The following ADGRV1 variants were observed in gnomAD, a reference collection of about 807,000 sequenced individuals.
ADGRV1 encodes G-protein coupled receptor 98.
ADGRV1 carries 359 observed loss-of-function variants against 596.2 expected under a neutral mutation model. That is an observed-to-expected ratio of 0.60 (90% confidence interval 0.55 to 0.66). ADGRV1 has a LOEUF of 0.66. Among genes scored for constraint, ADGRV1 ranks in the 30% least tolerant of loss-of-function variants. The pLI, the probability that ADGRV1 is intolerant of heterozygous loss-of-function variation, is 0.00. For missense variants in ADGRV1, 7,274 were observed against 7,575.6 expected, an observed-to-expected ratio of 0.96 and a Z score of 1.48; for synonymous variants, 2,681 against 2,679.2, an observed-to-expected ratio of 1.00 and a Z score of -0.02.
intron 3 of ADGRV1, among the ~76,000 whole-genome samples, 176 bp downstream of exon 3, chr5:90,618,129 C>T (rs1205618281): frequency 6.6e-6 from 1 of 152,150 alleles, no homozygotes; most frequent in Non-Finnish European, 1.5e-5. Context: ...TCTGGTTATT[C>T]CTTGATCTTG....
chr5:90,614,725 G>C (rs1366234296), intron 1 of ADGRV1, 110 bp from the exon 2 acceptor site: 1 of 821,858 alleles, frequency 1.2e-6, no homozygotes, highest in Non-Finnish European at 2.0e-6. Flanking sequence ...TTATGTCTTA[G>C]TTGTTTGCTG....
intron 78 of ADGRV1, among the ~76,000 whole-genome samples, chr5:90,847,658 C>G (rs1766035191): frequency 6.6e-6 from 1 of 152,206 alleles, no homozygotes; most frequent in South Asian, 2.1e-4. Flanking sequence ...CCGAGCCCTG[C>G]CCCGCAGGGA....
intron 87 of ADGRV1, among the ~76,000 whole-genome samples, chr5:91,131,886 G>A (rs1794247870): frequency 6.6e-6 from 1 of 152,146 alleles, no homozygotes; most frequent in African/African-American, 2.4e-5. Context: ...TGTCTAAGAA[G>A]GGTATTTCCT....
chr5:90,674,274 G>A, intron 23 of ADGRV1, 40 bp downstream of exon 23: 10 of 1,478,122 alleles, frequency 6.8e-6, no homozygotes, highest in Non-Finnish European at 8.1e-6. Context: ...TCTCTTCTCT[G>A]GGTGTACTTA....
chr5:90,809,219 G>C (rs1297928120), intron 73 of ADGRV1, among the ~76,000 whole-genome samples: 1 of 150,314 alleles, frequency 6.7e-6, no homozygotes, highest in Non-Finnish European at 1.5e-5. Context: ...GCCTCCCAAA[G>C]TGCTGGGATT....
At chr5:91,019,889 A>G (rs1285866279) in intron 85 of ADGRV1, among the ~76,000 whole-genome samples, 3 of 151,884 alleles carry the variant, frequency 2.0e-5, no homozygotes. Flanking sequence ...TTGTTTAACT[A>G]TTTCCTACTC....
chr5:90,846,075 G>A (rs755409972), intron 78 of ADGRV1, among the ~76,000 whole-genome samples: 3 of 152,174 alleles, frequency 2.0e-5, no homozygotes, highest in Non-Finnish European at 4.4e-5. Context: ...AGATTACAAA[G>A]TCATAAAAAA....
intron 85 of ADGRV1, among the ~76,000 whole-genome samples, chr5:91,034,894 T>G (rs1351267373): frequency 6.6e-6 from 1 of 152,082 alleles, no homozygotes; most frequent in Non-Finnish European, 1.5e-5. Context: ...CAAGCGGTCC[T>G]CCCCCTTCAG....
chr5:90,596,683 C>A (rs184365744), intron 1 of ADGRV1, among the ~76,000 whole-genome samples: 4 of 152,070 alleles, frequency 2.6e-5, no homozygotes, highest in Non-Finnish European at 5.9e-5. Context: ...GCAGGCACTC[C>A]GCAGGCTGAG....
chr5:90,839,383 T>A (rs144675612), intron 77 of ADGRV1, among the ~76,000 whole-genome samples: 62 of 151,986 alleles, frequency 4.1e-4, no homozygotes, highest in Admixed American at 8.5e-4. Flanking sequence ...CCCGGCTAAT[T>A]TTTTGTATTT....
chr5:90,978,379 C>G (rs540058682), intron 84 of ADGRV1, among the ~76,000 whole-genome samples: 10 of 152,156 alleles, frequency 6.6e-5, no homozygotes, highest in African/African-American at 1.9e-4. Context: ...TCACTTTTCA[C>G]CAGTTAACTT....
rs1747278357 is a variant in ADGRV1, at chr5:90,697,047, C to A, written c.8056C>A (p.Pro2686Thr). ...CACTGAAGGTGGAAGTAGAATTTTG[C>A]CAAGCTCCGACACTGTTAGAGTGAA... is the stretch of plus-strand genomic sequence containing the variant. Reference protein sequence around the residue: ...VYTEGGSRILPSSDTVRVNIL... With the variant: ...VYTEGGSRILTSSDTVRVNIL... The change falls in exon 34 of 90, where the codon CCA (proline) becomes ACA (threonine). Residue 2686 changes from proline to threonine, a missense_variant. Transcript: ENST00000405460. The A allele has an allele frequency of 1.2e-6, 2 of 1,613,384 alleles. No individual in the cohort carries two copies. The highest frequency in any genetic ancestry group is 1.7e-6 in the Non-Finnish European group (2 of 1,179,484).
rs767618412 is a variant in ADGRV1, at chr5:90,690,018, G to T, written c.6648G>T (p.Gly2216=). ...MNETTGGARL[G]ALTEAVIIIE... is the part of the protein sequence containing the mutation. The stretch of plus-strand genomic sequence containing the variant: ...AAACAACAGGAGGAGCCAGACTAGG[G>T]GCTTTAACAGAGGCAGTCATTATTA... The change falls in exon 30 of 90, where the codon GGG becomes GGT. Residue 2216 remains glycine, a synonymous_variant. Transcript: ENST00000405460. The T allele has an allele frequency of 3.8e-6, 6 of 1,599,430 alleles. No homozygotes were observed. The East Asian group carries it at 9.0e-5, about 24-fold the overall frequency.
intron 84 of ADGRV1, among the ~76,000 whole-genome samples, chr5:90,972,189 C>A (rs56051320): frequency 0.24 from 37,163 of 152,118 alleles, 4,990 homozygotes; most frequent in Non-Finnish European, 0.31. Flanking sequence ...CAGGAGCACC[C>A]AGATTCATAA....
intron 83 of ADGRV1, among the ~76,000 whole-genome samples, chr5:90,872,422 CTTGTGTGTGTGTGTGTGTGTGTGT>C (rs1207938520): frequency 2.2e-5 from 2 of 92,654 alleles, no homozygotes; most frequent in Non-Finnish European, 4.2e-5. Flanking sequence ...ATGGTATGAG[CTTGTGTGTGTGTGTGTGTGTGTGT>C]GTGTGTGTGT....
At chr5:91,010,364 A>G (rs993739265) in intron 85 of ADGRV1, among the ~76,000 whole-genome samples, 1 of 152,244 alleles carries the variant, frequency 6.6e-6, no homozygotes, top group African/African-American at 2.4e-5. Context: ...CACAAAGGCT[A>G]TGTTAAAACA....
intron 86 of ADGRV1, among the ~76,000 whole-genome samples, chr5:91,099,676 T>G (rs1791197708): frequency 6.6e-6 from 1 of 151,948 alleles, no homozygotes; most frequent in Non-Finnish European, 1.5e-5. Flanking sequence ...GAGGCCGAGG[T>G]GGGCAGATCA....
chr5:91,107,855 T>G (rs898260197), intron 87 of ADGRV1, among the ~76,000 whole-genome samples: 1 of 152,170 alleles, frequency 6.6e-6, no homozygotes, highest in African/African-American at 2.4e-5. Context: ...AAAAGTTTAT[T>G]GAGCTCTTAT....
intron 4 of ADGRV1, among the ~76,000 whole-genome samples, chr5:90,621,790 C>G (rs1478064243): frequency 6.6e-6 from 1 of 152,100 alleles, no homozygotes; most frequent in Admixed American, 6.6e-5. Context: ...CTTTGCTTTT[C>G]AGCCCTGAGG....
Sources: gnomAD v4.1 joint callset for allele counts (sites outside exome capture counted in the v4.1 genomes callset) on GRCh38, gnomAD v4.1.1 for gene constraint, MANE v1.5 for transcripts, NCBI Gene and HGNC (gene_info 2026-07-23, HGNC 2026-07-21) for gene names.